NREP: variants seen among roughly 807,000 people sequenced by gnomAD.
NREP encodes neuronal regeneration related protein.
Under a neutral mutation model 8.6 loss-of-function variants are expected in NREP, and 5 were observed. That is an observed-to-expected ratio of 0.58 (90% CI 0.30 to 1.22). The LOEUF is 1.22. NREP is among the 50% of genes most tolerant of loss of function. The probability of loss-of-function intolerance (pLI) is 0.07; values close to 1 mark genes in which losing one functional copy is unlikely to be tolerated. For missense variants in NREP, 86 were observed against 82.5 expected (o/e 1.04, Z -0.17); for synonymous variants, 27 against 28.0 (o/e 0.96, Z 0.11).
chr5:111,798,761 GTGTGTGTGTGTGTGTA>G (rs199904020), intron 2 of NREP, among the ~76,000 whole-genome samples: 29,974 of 96,766 alleles, frequency 0.31, 3,322 homozygotes, highest in South Asian at 0.48. Flanking sequence ...GTGTGTGTGT[GTGTGTGTGTGTGTGTA>G]TGTGTGTGTG....
intron 2 of NREP, among the ~76,000 whole-genome samples, chr5:111,890,832 A>T (rs1754377294): frequency 6.6e-6 from 1 of 152,196 alleles, no homozygotes; most frequent in Non-Finnish European, 1.5e-5. Flanking sequence ...CTTCCCTGCT[A>T]GGCCTCCAGG....
intron 2 of NREP, among the ~76,000 whole-genome samples, chr5:111,920,941 C>A (rs777520417): frequency 2.6e-5 from 4 of 152,152 alleles, no homozygotes; most frequent in Non-Finnish European, 4.4e-5. Context: ...GTTTGTACAT[C>A]ACACAGGAGG....
intron 2 of NREP, among the ~76,000 whole-genome samples, chr5:111,742,623 C>G (rs115629329): frequency 6.6e-6 from 1 of 152,050 alleles, no homozygotes; most frequent in South Asian, 2.1e-4. Flanking sequence ...AACAGAATTA[C>G]CCGACTTTTC....
At chr5:111,787,978 GC>G (rs1441281766) in intron 2 of NREP, among the ~76,000 whole-genome samples, 25 of 152,024 alleles carry the variant, frequency 1.6e-4, no homozygotes, top group Admixed American at 1.6e-3. Flanking sequence ...CACACCTGTG[GC>G]CCCAGCTACT....
intron 2 of NREP, among the ~76,000 whole-genome samples, chr5:111,855,389 T>C (rs1319236708): frequency 6.6e-6 from 1 of 152,346 alleles, no homozygotes; most frequent in Non-Finnish European, 1.5e-5. Flanking sequence ...TAATCAATGT[T>C]AGCTCTAATC....
intron 2 of NREP, among the ~76,000 whole-genome samples, chr5:111,953,373 G>T (rs1756219327): frequency 6.6e-6 from 1 of 152,084 alleles, no homozygotes; most frequent in South Asian, 2.1e-4. Context: ...CTATGCCTGG[G>T]TTTAGAACCC....
At chr5:111,975,733 CTCCTCAAT>C (rs1178131926) in intron 1 of NREP, among the ~76,000 whole-genome samples, 1 of 152,086 alleles carries the variant, frequency 6.6e-6, no homozygotes, top group Admixed American at 6.5e-5. Flanking sequence ...ATTTCTTAAC[CTCCTCAAT>C]TTGAAATTAC....
intron 2 of NREP, among the ~76,000 whole-genome samples, chr5:111,938,052 G>T (rs1755731164): frequency 6.6e-6 from 1 of 152,004 alleles, no homozygotes; most frequent in Non-Finnish European, 1.5e-5. Context: ...TTCTGGCTCA[G>T]CTTTCCCTCA....
chr5:111,973,619 C>T (rs1408123422), intron 2 of NREP, among the ~76,000 whole-genome samples: 1 of 152,198 alleles, frequency 6.6e-6, no homozygotes, highest in Non-Finnish European at 1.5e-5. Flanking sequence ...TTATCATAGT[C>T]TCTCCTCTAC....
upstream of NREP, among the ~76,000 whole-genome samples, chr5:111,759,749 G>A (rs1277824675): frequency 2.0e-5 from 3 of 152,162 alleles, no homozygotes; most frequent in African/African-American, 7.2e-5. Context: ...AGAAACTCAT[G>A]CCATGTCACC....
chr5:111,945,102 C>A (rs1439043031), intron 2 of NREP, among the ~76,000 whole-genome samples: 2 of 151,988 alleles, frequency 1.3e-5, no homozygotes, highest in Non-Finnish European at 2.9e-5. Context: ...ACACCCTAAC[C>A]CCTCTTCACG....
chr5:111,791,574 G>A (rs1751747613), intron 2 of NREP, among the ~76,000 whole-genome samples: 1 of 151,988 alleles, frequency 6.6e-6, no homozygotes. Flanking sequence ...AACCTCCTAG[G>A]CCCAACGATC....
intron 3 of NREP, 87 bp downstream of exon 3, chr5:111,735,343 G>T: frequency 2.4e-6 from 2 of 834,474 alleles, no homozygotes; most frequent in Non-Finnish European, 4.0e-6. Context: ...CCTATAATGG[G>T]TATTCAAATG....
At chr5:111,778,224 T>C (rs910043661) in intron 2 of NREP, among the ~76,000 whole-genome samples, 74 of 152,138 alleles carry the variant, frequency 4.9e-4, no homozygotes, top group African/African-American at 1.8e-3. Context: ...CCCTAGAATA[T>C]CCAGATACAT....
At chr5:111,928,355 T>C (rs554326111) in intron 2 of NREP, among the ~76,000 whole-genome samples, 9 of 152,234 alleles carry the variant, frequency 5.9e-5, no homozygotes, top group Admixed American at 3.9e-4. Context: ...TTTTTAGAAA[T>C]TGTCTTTCCT....
chr5:111,862,959 A>C (rs1319254447), intron 2 of NREP, among the ~76,000 whole-genome samples: 1 of 150,876 alleles, frequency 6.6e-6, no homozygotes, highest in Non-Finnish European at 1.5e-5. Flanking sequence ...GCATTAAAAG[A>C]CATATGAAAT....
At chr5:111,918,691 A>C (rs1156936479) in intron 2 of NREP, among the ~76,000 whole-genome samples, 2 of 152,120 alleles carry the variant, frequency 1.3e-5, no homozygotes, top group Non-Finnish European at 2.9e-5. Flanking sequence ...CCTTCCTTAT[A>C]CCTTATACAA....
At chr5:111,920,691 TCCCCA>T (rs2112579719) in intron 2 of NREP, among the ~76,000 whole-genome samples, 1 of 152,194 alleles carries the variant, frequency 6.6e-6, no homozygotes, top group South Asian at 2.1e-4. Flanking sequence ...AATTTCTGAA[TCCCCA>T]CCCCACCCTT....
intron 2 of NREP, among the ~76,000 whole-genome samples, chr5:111,936,407 G>A (rs893480324): frequency 6.6e-5 from 10 of 151,886 alleles, no homozygotes; most frequent in Non-Finnish European, 1.0e-4. Context: ...CACCATAATC[G>A]TCAGTTTCCT....
Sources: gnomAD v4.1 joint callset for allele counts (sites outside exome capture counted in the v4.1 genomes callset) on GRCh38, gnomAD v4.1.1 for gene constraint, MANE v1.5 for transcripts, NCBI Gene and HGNC (gene_info 2026-07-23, HGNC 2026-07-21) for gene names.